The following KCNQ1 variants were observed in gnomAD, a reference collection of about 807,000 sequenced individuals.
KCNQ1 encodes potassium voltage-gated channel subfamily Q member 1, also known as potassium voltage-gated channel subfamily KQT member 1.
Under a neutral mutation model 72.4 loss-of-function variants are expected in KCNQ1, and 49 were observed. That is an observed-to-expected ratio of 0.68 (90% confidence interval 0.54 to 0.86). The LOEUF (loss-of-function observed/expected upper bound fraction) is 0.86. KCNQ1 is among the 40% of genes least tolerant of loss of function. The pLI is 0.00. For synonymous variants in KCNQ1, 450 were observed against 412.6 expected (o/e 1.09, Z -1.10); for missense variants, 790 against 945.1 (o/e 0.84, Z 2.15).
At chr11:2,776,933 T>A in intron 13 of KCNQ1, 53 bp from the exon 14 acceptor site, 1 of 1,560,226 alleles carries the variant, frequency 6.4e-7, no homozygotes, top group Non-Finnish European at 8.8e-7. Flanking sequence ...CGACAGTGCA[T>A]CTGCGCAGTG....
chr11:2,496,522 C>CTTTTTTTTTTTTTTTTTTTTTATTTTTTT (rs1589912666), intron 1 of KCNQ1, among the ~76,000 whole-genome samples: 1 of 68,530 alleles, frequency 1.5e-5, no homozygotes, highest in African/African-American at 5.9e-5. Flanking sequence ...TTTTTTTTTG[C>CTTTTTTTTTTTTTTTTTTTTTATTTTTTT]TTTCCATTGC....
At chr11:2,666,844 A>C (rs1850080183) in intron 11 of KCNQ1, 1 of 398,600 alleles carries the variant, frequency 2.5e-6, no homozygotes, top group Admixed American at 4.4e-5. Flanking sequence ...ACCAGTGTCC[A>C]GAAGGATGAG....
At chr11:2,667,824 G>C in intron 11 of KCNQ1, 1 of 398,638 alleles carries the variant, frequency 2.5e-6, no homozygotes, top group Non-Finnish European at 4.4e-6. Flanking sequence ...TAGGGTGGTG[G>C]TGTTAAACTT....
chr11:2,645,599 C>T lies in KCNQ1; in HGVS notation c.1394-16362C>T. ...CAGTTGGGCAATGCATGCTTCGGCC[C>T]CAGGTGGTGACTATGGGCAGGGTCA... is the stretch of plus-strand genomic sequence containing the variant. On this transcript the variant is annotated intron_variant, in intron 10 of 15. Coordinates refer to ENST00000155840, the MANE Select transcript of KCNQ1 (RefSeq NM_000218.3). This position sits in a 1 kb window ranked among gnomAD's most constrained non-coding sequence, Gnocchi z 5.8. 2.5e-6 allele frequency: 1 copy of T among 398,710 alleles called. No individual in the cohort carries two copies. The highest frequency in any genetic ancestry group is 4.4e-5 in the Admixed American group (1 of 22,732). 24.7% of individuals were successfully genotyped at this position (398,710 alleles called of 1,614,324 possible).
rs1823059123 is a variant in KCNQ1 at position 2,509,476 on chromosome 11, G to A, written c.387-18452G>A. 6.6e-6 allele frequency among the ~76,000 whole-genome samples: 1 copy of A among 152,170 alleles called. No individual in the cohort carries two copies. The highest frequency in any genetic ancestry group is 6.5e-5 in the Admixed American group (1 of 15,276). On this transcript the variant is annotated intron_variant, in intron 1 of 15. Transcript: ENST00000155840. The surrounding 1 kb of genome is among the most constrained non-coding windows in gnomAD (Gnocchi z 6.3). ...GTGTGGGGGGTGTTTGGTGTCCTAGGAGGAGTCTCTGTCCTGAGCAGAGAC... is the reference window on the plus strand; with the variant it reads ...GTGTGGGGGGTGTTTGGTGTCCTAGAAGGAGTCTCTGTCCTGAGCAGAGAC...
At position 2,598,866 on chromosome 11, in the gene KCNQ1, C is replaced by G. The variant is rs1848765086; in HGVS notation, c.1393+10012C>G. 6.6e-6 allele frequency among the ~76,000 whole-genome samples: 1 copy of G among 152,194 alleles called. No homozygotes were observed. The highest frequency in any genetic ancestry group is 1.5e-5 in the Non-Finnish European group (1 of 68,044). The stretch of plus-strand genomic sequence containing the variant: ...TCCTAACTGCCTGCTCCCAGGACTC[C>G]TGTGTTGACTGAGTGAGTTAGAACA... On this transcript the variant is annotated intron_variant, in intron 10 of 15. Transcript: ENST00000155840. The surrounding 1 kb of genome is among the most constrained non-coding windows in gnomAD (Gnocchi z 6.2).
At chr11:2,461,213 G>C (rs1008113066) in intron 1 of KCNQ1, among the ~76,000 whole-genome samples, 1 of 152,198 alleles carries the variant, frequency 6.6e-6, no homozygotes, top group Non-Finnish European at 1.5e-5. Context: ...TGTGGGGCTC[G>C]GTCTGCATGT....
rs1589902496 is a variant in KCNQ1 at position 2,477,686 on chromosome 11, C to T, written c.386+32202C>T. On this transcript the variant is annotated intron_variant, in intron 1 of 15. Coordinates refer to ENST00000155840, the MANE Select transcript of KCNQ1 (RefSeq NM_000218.3). The surrounding 1 kb of genome is among the most constrained non-coding windows in gnomAD (Gnocchi z 5.0). ...GGCTAAGGTGGGAGGATTGCCTGAG[C>T]TCAGGAGACCAGCCTGGGTGACATA... 1.3e-5 allele frequency among the ~76,000 whole-genome samples: 2 copies of T among 151,096 alleles called. No homozygotes were observed. The highest frequency in any genetic ancestry group is 2.1e-4 in the South Asian group (1 of 4,792).
In KCNQ1 at chr11:2,784,883, C is replaced by G. The variant is rs1295526906; in HGVS notation, c.1794+6846C>G. On this transcript the variant is annotated intron_variant, in intron 15 of 15. Coordinates refer to ENST00000155840, the MANE Select transcript of KCNQ1 (RefSeq NM_000218.3). The surrounding 1 kb of genome is among the most constrained non-coding windows in gnomAD (Gnocchi z 4.7). ...TAAATTTTTATATCAATCTTGTAAA[C>G]TGACTTTTCTATTCTTGGCTTTAGC... 6.6e-6 allele frequency among the ~76,000 whole-genome samples: 1 copy of G among 151,916 alleles called. No individual in the cohort carries two copies. Among genetic ancestry groups the G allele is most frequent in the Admixed American group, 6.5e-5 (1 of 15,274 alleles).
intron 15 of KCNQ1, among the ~76,000 whole-genome samples, chr11:2,834,346 G>C (rs1848018328): frequency 6.6e-6 from 1 of 152,150 alleles, no homozygotes; most frequent in African/African-American, 2.4e-5. Flanking sequence ...TGCACTGGCT[G>C]GGGAGGGTGG....
chr11:2,552,441 A>G (rs1847996513), intron 2 of KCNQ1, among the ~76,000 whole-genome samples: 1 of 152,168 alleles, frequency 6.6e-6, no homozygotes, highest in Admixed American at 6.5e-5. Context: ...CCAGGAAAGC[A>G]CTGTCTTGAT....
intron 10 of KCNQ1, chr11:2,636,809 T>C (rs1849475211): frequency 6.6e-6 from 1 of 152,252 alleles, no homozygotes; most frequent in South Asian, 2.1e-4. Context: ...TGAATCCGTC[T>C]GGTCCTGGAC....
In KCNQ1 at chr11:2,750,317, C is replaced by T. The variant is rs763670837; in HGVS notation, c.1515-18527C>T. On this transcript the variant is annotated intron_variant, in intron 11 of 15. Coordinates refer to ENST00000155840, the MANE Select transcript of KCNQ1 (RefSeq NM_000218.3). This position sits in a 1 kb window ranked among gnomAD's most constrained non-coding sequence, Gnocchi z 6.3. ...GGGAGACGGGGGTATAGCTGTTGGG[C>T]TTGTGGCTGGCCTGGCCTAACCAGT... Among the ~76,000 whole-genome samples, 3 of 152,204 alleles carry T rather than the reference C, an allele frequency of 2.0e-5. No individual in the cohort carries two copies. The highest frequency in any genetic ancestry group is 2.9e-5 in the Non-Finnish European group (2 of 68,036).
At chr11:2,610,128 T>G in intron 10 of KCNQ1, 2 of 397,982 alleles carry the variant, frequency 5.0e-6, no homozygotes, top group Non-Finnish European at 8.9e-6. Flanking sequence ...AGTGACTACT[T>G]TCTAATATAA....
At position 2,645,611 on chromosome 11, in the gene KCNQ1, T is replaced by C. The variant is rs1849654049; in HGVS notation, c.1394-16350T>C. 2.5e-6 allele frequency: 1 copy of C among 398,610 alleles called. No individual in the cohort carries two copies. Among genetic ancestry groups the C allele is most frequent in the South Asian group, 1.3e-4 (1 of 7,858 alleles). 24.7% of individuals were successfully genotyped at this position (398,610 alleles called of 1,614,324 possible). A position where few individuals can be genotyped will look rare whatever the true frequency, so the allele number is the denominator to read the frequency against. ...GCATGCTTCGGCCCCAGGTGGTGAC[T>C]ATGGGCAGGGTCACCTTTCCTCATG... On this transcript the variant is annotated intron_variant, in intron 10 of 15. Coordinates refer to ENST00000155840, the MANE Select transcript of KCNQ1 (RefSeq NM_000218.3). The surrounding 1 kb of genome is among the most constrained non-coding windows in gnomAD (Gnocchi z 5.8).
At position 2,687,458 on chromosome 11, in the gene KCNQ1, G is replaced by A; in HGVS notation, c.1514+25377G>A. 2.5e-6 allele frequency: 1 copy of A among 398,770 alleles called. No homozygotes were observed. The highest frequency in any genetic ancestry group is 3.6e-5 in the East Asian group (1 of 28,056). 24.7% of individuals were successfully genotyped at this position (398,770 alleles called of 1,614,324 possible). ...TCCATACAGATCCCTGCCTGCACAA[G>A]AGCTGCTGCAGCATTTCAATAGGGC... On this transcript the variant is annotated intron_variant, in intron 11 of 15. Transcript: ENST00000155840. The surrounding 1 kb of genome is among the most constrained non-coding windows in gnomAD (Gnocchi z 5.0).
rs766907568 is a variant in KCNQ1 at position 2,734,880 on chromosome 11, C to T, written c.1515-33964C>T. On this transcript the variant is annotated intron_variant, in intron 11 of 15. Transcript: ENST00000155840. This position sits in a 1 kb window ranked among gnomAD's most constrained non-coding sequence, Gnocchi z 7.0. Reference sequence around the variant, plus strand: ...GGCCTGGCTGTGGCTTCCCAGGCCCCGGCTGGGACCACCGCAGAGGTGATG... The same window carrying T: ...GGCCTGGCTGTGGCTTCCCAGGCCCTGGCTGGGACCACCGCAGAGGTGATG... Among the ~76,000 whole-genome samples, 17 of 151,838 alleles carry T rather than the reference C, an allele frequency of 1.1e-4. No homozygotes were observed. Among genetic ancestry groups the T allele is most frequent in the East Asian group, 3.9e-4 (2 of 5,124 alleles).
Position 2,653,126 on chromosome 11 carries a change from C to A in KCNQ1, c.1394-8835C>A. The A allele has an allele frequency of 2.5e-6, 1 of 398,744 alleles. No individual in the cohort carries two copies. Among genetic ancestry groups the A allele is most frequent in the Non-Finnish European group, 4.4e-6 (1 of 226,136 alleles). The allele number at this position is 398,744 out of a possible 1,614,324, so 24.7% of individuals were successfully genotyped here. On this transcript the variant is annotated intron_variant, in intron 10 of 15. Transcript: ENST00000155840. The surrounding 1 kb of genome is among the most constrained non-coding windows in gnomAD (Gnocchi z 5.3). Reference sequence around the variant, plus strand: ...CACTGAAGGTTTGGGGAGATGAGGACTTGCATCACAGCAGTAGAAAGCCAA... The same window carrying A: ...CACTGAAGGTTTGGGGAGATGAGGAATTGCATCACAGCAGTAGAAAGCCAA...
intron 1 of KCNQ1, among the ~76,000 whole-genome samples, chr11:2,449,583 C>A (rs1364604831): frequency 2.0e-5 from 3 of 152,104 alleles, no homozygotes; most frequent in African/African-American, 7.2e-5. Flanking sequence ...TTGCAGAGGA[C>A]AGGAAGGGTG....
Sources: allele counts gnomAD v4.1 joint callset (sites outside exome capture counted in the v4.1 genomes callset), GRCh38; gene constraint gnomAD v4.1.1; non-coding constraint Gnocchi (gnomAD v3.1); transcripts MANE v1.5; gene names NCBI Gene and HGNC (gene_info 2026-07-23, HGNC 2026-07-21).